SLC25A26: variants seen among roughly 807,000 people sequenced by gnomAD.
The protein encoded by SLC25A26 is solute carrier family 25 member 26, also known as mitochondrial S-adenosylmethionine carrier protein.
A neutral mutation model predicts 37.8 loss-of-function variants in SLC25A26; 36 were observed. That is an observed-to-expected ratio of 0.95 (90% CI 0.73 to 1.26). The LOEUF is 1.26. Among genes scored for constraint, SLC25A26 ranks in the 50% most tolerant of loss-of-function variants. SLC25A26 has a pLI of 0.00. For synonymous variants in SLC25A26, 129 were observed against 122.5 expected (o/e 1.05, Z -0.35); for missense variants, 390 against 331.1 (o/e 1.18, Z -1.38).
intron 6 of SLC25A26, chr3:66,356,186 CCTTCT>C: frequency 4.6e-6 from 2 of 431,480 alleles, no homozygotes; most frequent in Non-Finnish European, 9.2e-6. Context: ...AAAAACAAAG[CCTTCT>C]CTTCAGGCTA....
intron 8 of SLC25A26, 119 bp downstream of exon 8, chr3:66,369,661 C>A: frequency 1.2e-6 from 1 of 823,112 alleles, no homozygotes; most frequent in South Asian, 1.7e-5. Flanking sequence ...GCATCTTATG[C>A]TGCCTGTGCA....
upstream of SLC25A26, among the ~76,000 whole-genome samples, chr3:66,216,624 T>G (rs1308865664): frequency 2.0e-5 from 3 of 152,000 alleles, no homozygotes; most frequent in African/African-American, 7.2e-5. Flanking sequence ...TGTTTTTGTT[T>G]TTTTTTTTGT....
intron 5 of SLC25A26, among the ~76,000 whole-genome samples, chr3:66,318,460 C>T (rs1490199797): frequency 1.3e-5 from 2 of 152,056 alleles, no homozygotes; most frequent in African/African-American, 2.4e-5. Flanking sequence ...CCCGGGTGGG[C>T]CCTTGCTCCA....
intron 3 of SLC25A26, among the ~76,000 whole-genome samples, chr3:66,258,595 A>G (rs1157977413): frequency 3.9e-5 from 6 of 152,236 alleles, no homozygotes; most frequent in Admixed American, 1.3e-4. Flanking sequence ...TATATTTTCT[A>G]ATAGCCACAT....
intron 6 of SLC25A26, among the ~76,000 whole-genome samples, chr3:66,350,330 C>T (rs1050518540): frequency 2.6e-5 from 4 of 152,156 alleles, no homozygotes; most frequent in Non-Finnish European, 5.9e-5. Context: ...TGCTGTCTCC[C>T]ATTTCTGTTA....
At chr3:66,317,457 A>C (rs1258555382) in intron 5 of SLC25A26, among the ~76,000 whole-genome samples, 1 of 152,120 alleles carries the variant, frequency 6.6e-6, no homozygotes, top group African/African-American at 2.4e-5. Flanking sequence ...GAGGCTGCAG[A>C]CCAGCAAAGA....
chr3:66,316,154 A>C (rs925192545), intron 5 of SLC25A26, among the ~76,000 whole-genome samples: 1 of 152,180 alleles, frequency 6.6e-6, no homozygotes, highest in South Asian at 2.1e-4. Context: ...TGATTGTTTC[A>C]TCATGATGCT....
At chr3:66,319,534 A>G (rs1446891614) in intron 5 of SLC25A26, among the ~76,000 whole-genome samples, 4 of 152,034 alleles carry the variant, frequency 2.6e-5, no homozygotes, top group Non-Finnish European at 5.9e-5. Flanking sequence ...TACCTTCCTT[A>G]TCTGTTATTA....
chr3:66,207,239 G>A (rs1326473720), intron 1 of SLC25A26, among the ~76,000 whole-genome samples: 1 of 152,076 alleles, frequency 6.6e-6, no homozygotes, highest in African/African-American at 2.4e-5. Context: ...AAGGTATGGT[G>A]TGTCACTTTA....
chr3:66,186,242 A>G (rs920233241), intron 1 of SLC25A26, among the ~76,000 whole-genome samples: 1 of 151,746 alleles, frequency 6.6e-6, no homozygotes, highest in Non-Finnish European at 1.5e-5. Flanking sequence ...CACCCTTATG[A>G]AGACCCTGAC....
intron 5 of SLC25A26, among the ~76,000 whole-genome samples, chr3:66,342,580 AT>A (rs146182735): frequency 0.047 from 7,201 of 152,282 alleles, 225 homozygotes; most frequent in South Asian, 0.075. Flanking sequence ...GGATAGAAGC[AT>A]TGATTGGCTT....
At chr3:66,190,312 CAAAAAAAA>C (rs1221431441) in intron 1 of SLC25A26, among the ~76,000 whole-genome samples, 53,876 of 133,016 alleles carry the variant, frequency 0.41, 10,688 homozygotes, top group East Asian at 0.58. Flanking sequence ...GAAACCCTGT[CAAAAAAAA>C]AAAAAGAAAA....
chr3:66,134,696 C>T (rs1032554882), intron 1 of SLC25A26, among the ~76,000 whole-genome samples: 1 of 152,144 alleles, frequency 6.6e-6, no homozygotes, highest in African/African-American at 2.4e-5. Context: ...AAATCATGTC[C>T]ATGTCTTTGG....
At chr3:66,136,782 A>G (rs753189711) in intron 1 of SLC25A26, among the ~76,000 whole-genome samples, 1 of 152,190 alleles carries the variant, frequency 6.6e-6, no homozygotes. Flanking sequence ...TAAATTGTAT[A>G]CAAAGCTTTT....
chr3:66,274,893 A>G (rs1362491729), intron 5 of SLC25A26, among the ~76,000 whole-genome samples: 1 of 152,126 alleles, frequency 6.6e-6, no homozygotes, highest in Non-Finnish European at 1.5e-5. Context: ...CAGCCATCCC[A>G]TTACTAGGTA....
intron 3 of SLC25A26, among the ~76,000 whole-genome samples, chr3:66,260,282 A>G (rs1374803320): frequency 6.6e-6 from 1 of 152,108 alleles, no homozygotes; most frequent in Non-Finnish European, 1.5e-5. Flanking sequence ...AGTCTTCTTT[A>G]TCATGGAGTG....
intron 1 of SLC25A26, among the ~76,000 whole-genome samples, chr3:66,201,017 G>T (rs1220377277): frequency 6.6e-5 from 10 of 152,134 alleles, no homozygotes; most frequent in African/African-American, 1.7e-4. Flanking sequence ...TGATATTTCT[G>T]CATGCAGCAA....
intron 1 of SLC25A26, among the ~76,000 whole-genome samples, chr3:66,198,443 G>GT (rs1311492937): frequency 2.0e-5 from 3 of 151,892 alleles, no homozygotes; most frequent in Non-Finnish European, 2.9e-5. Context: ...GACCTTCATA[G>GT]TGACCCTCAC....
intron 5 of SLC25A26, among the ~76,000 whole-genome samples, chr3:66,303,625 C>T (rs1400685663): frequency 1.3e-5 from 2 of 152,176 alleles, no homozygotes; most frequent in Non-Finnish European, 2.9e-5. Flanking sequence ...ATCAGGATCA[C>T]TTAGGGGAAT....
Sources: allele counts gnomAD v4.1 joint callset (sites outside exome capture counted in the v4.1 genomes callset), GRCh38; gene constraint gnomAD v4.1.1; transcripts MANE v1.5; gene names NCBI Gene and HGNC (gene_info 2026-07-23, HGNC 2026-07-21).